MAP7D2: variants seen among roughly 807,000 people sequenced by gnomAD.
MAP7D2 encodes MAP7 domain containing 2, also known as MAP7 domain-containing protein 2.
Under a neutral mutation model 63.5 loss-of-function variants are expected in MAP7D2, and 33 were observed. The observed-to-expected ratio is 0.52, with a 90% CI of 0.39 to 0.70. The LOEUF (loss-of-function observed/expected upper bound fraction) is 0.70, where lower values mean the gene tolerates loss of function less well. Ranked by LOEUF, MAP7D2 falls within the 30% of genes least tolerant of loss-of-function variation. The probability of loss-of-function intolerance (pLI) is 0.00; values close to 1 mark genes in which losing one functional copy is unlikely to be tolerated. For missense variants in MAP7D2, 626 were observed against 604.0 expected (o/e 1.04, Z -0.38); for synonymous variants, 224 against 223.7 (o/e 1.00, Z -0.01).
At chrX:20,041,564 C>T (rs1333923263) in intron 8 of MAP7D2, among the ~76,000 whole-genome samples, 1 of 111,986 alleles carries the variant, frequency 8.9e-6, no homozygotes, top group Non-Finnish European at 1.9e-5. Context: ...TTGACAAATT[C>T]GCAAGTTTTC....
At chrX:20,056,274 C>A (rs1489785725) in intron 4 of MAP7D2, among the ~76,000 whole-genome samples, 1 of 111,820 alleles carries the variant, frequency 8.9e-6, no homozygotes, top group Non-Finnish European at 1.9e-5. Flanking sequence ...AATAGTCCAG[C>A]CCTTTTTGGA....
chrX:20,101,378 GA>G (rs1403694535), intron 1 of MAP7D2, among the ~76,000 whole-genome samples: 2 of 111,929 alleles, frequency 1.8e-5, no homozygotes, highest in Non-Finnish European at 3.8e-5. Flanking sequence ...AGGCCTATAA[GA>G]AAAAATCGAA....
rs1006889120 is a variant in MAP7D2 at position 20,013,502 on chromosome X, T to C, written c.1806+67A>G. The C allele has an allele frequency of 1.9e-5, 18 of 935,555 alleles. No homozygotes were observed. In the East Asian group the frequency reaches 5.7e-4, roughly 30 times the overall value. The allele number at this position is 935,555 out of a possible 1,213,427, so 77.1% of individuals were successfully genotyped here. On this transcript the variant is annotated intron_variant, in intron 13 of 16. Transcript: ENST00000379643. Reference sequence around the variant, plus strand: ...TCGTCGCCAAGACCTACAATTTCACTGAGTGTATTCTGCTGTTCTTTTCTA... The same window carrying C: ...TCGTCGCCAAGACCTACAATTTCACCGAGTGTATTCTGCTGTTCTTTTCTA...
In MAP7D2 at chrX:20,031,806, T is replaced by C. The variant is rs2074061675; in HGVS notation, c.1008-5854A>G. Among the ~76,000 whole-genome samples, 4 of 111,965 alleles carry C rather than the reference T, an allele frequency of 3.6e-5. No individual in the cohort carries two copies. The South Asian group carries it at 1.5e-3, about 42-fold the overall frequency. On this transcript the variant is annotated intron_variant, in intron 8 of 16. Transcript: ENST00000379643. ...TCTTACTGGGACACCTGGCAAAAGT[T>C]GCACATACATTAGAAATTAAGTAAC...
At chrX:20,057,751 C>A (rs148272068) in intron 3 of MAP7D2, among the ~76,000 whole-genome samples, 84 of 111,812 alleles carry the variant, frequency 7.5e-4, no homozygotes, top group African/African-American at 2.7e-3. Context: ...CTAATCATAG[C>A]CCATTCTAAA....
chrX:20,073,528 TTTTC>T (rs1244519790), intron 1 of MAP7D2, among the ~76,000 whole-genome samples: 1 of 107,438 alleles, frequency 9.3e-6, no homozygotes, highest in Non-Finnish European at 1.9e-5. Flanking sequence ...GGTTCTTTTC[TTTTC>T]TTTTTTTTTT....
rs1368062582 is a variant in MAP7D2 at position 20,051,446 on chromosome X, A to C, written c.596-500T>G. ...ATGCGCCTGTAGTCCCAGCTACTTG[A>C]GGCTGAAGTGAGAGGATGGCTTGAG... On this transcript the variant is annotated intron_variant, in intron 5 of 16. Coordinates refer to ENST00000379643, the MANE Select transcript of MAP7D2 (RefSeq NM_001168465.2). Among the ~76,000 whole-genome samples, 3 of 110,016 alleles carry C rather than the reference A, an allele frequency of 2.7e-5. No individual in the cohort carries two copies. In the East Asian group the frequency reaches 8.5e-4, roughly 31 times the overall value.
chrX:20,073,043 T>TC (rs200276910), intron 1 of MAP7D2, among the ~76,000 whole-genome samples: 1,547 of 109,687 alleles, frequency 0.014, 8 homozygotes, highest in Middle Eastern at 0.018. Context: ...TTTGTAGTGC[T>TC]CCCCCCCACC....
At chrX:20,087,879 C>CTTTTTTTTTTT (rs539620594) in intron 1 of MAP7D2, among the ~76,000 whole-genome samples, 5 of 52,852 alleles carry the variant, frequency 9.5e-5, no homozygotes, top group African/African-American at 3.5e-4. Flanking sequence ...AATTTCTTTT[C>CTTTTTTTTTTT]TTTTTTTTTT....
intron 1 of MAP7D2, among the ~76,000 whole-genome samples, chrX:20,109,714 T>C (rs1166767919): frequency 9.0e-6 from 1 of 110,697 alleles, no homozygotes; most frequent in East Asian, 2.8e-4. Context: ...TATTCAAGGG[T>C]TGCATATCCA....
chrX:20,089,806 T>G (rs1434569052), intron 1 of MAP7D2, among the ~76,000 whole-genome samples: 1 of 112,236 alleles, frequency 8.9e-6, no homozygotes, highest in African/African-American at 3.2e-5. Context: ...CCTATATTTG[T>G]GCTTGCTTTT....
intron 1 of MAP7D2, among the ~76,000 whole-genome samples, chrX:20,082,160 C>G (rs745902244): frequency 1.8e-5 from 2 of 112,015 alleles, no homozygotes; most frequent in Non-Finnish European, 3.8e-5. Flanking sequence ...CTACCACCAG[C>G]TGGCTTCCGT....
intron 8 of MAP7D2, among the ~76,000 whole-genome samples, chrX:20,041,459 T>A (rs2064653398): frequency 8.9e-6 from 1 of 112,047 alleles, no homozygotes; most frequent in South Asian, 3.7e-4. Context: ...AAAACCATAG[T>A]GATCTCTAAA....
intron 1 of MAP7D2, among the ~76,000 whole-genome samples, chrX:20,101,312 C>G (rs963386413): frequency 8.9e-6 from 1 of 112,135 alleles, no homozygotes; most frequent in Non-Finnish European, 1.9e-5. Flanking sequence ...TTTGATTTAC[C>G]ATGTTGGAAA....
chrX:20,038,334 C>T (rs751862739), intron 8 of MAP7D2, among the ~76,000 whole-genome samples: 2 of 111,947 alleles, frequency 1.8e-5, no homozygotes, highest in Admixed American at 9.5e-5. Flanking sequence ...ACTCACTTTA[C>T]GGCTAAAGAA....
intron 1 of MAP7D2, among the ~76,000 whole-genome samples, chrX:20,095,476 C>T (rs964056077): frequency 9.0e-6 from 1 of 111,185 alleles, no homozygotes; most frequent in Non-Finnish European, 1.9e-5. Flanking sequence ...GAATGTGAGG[C>T]TACAGTGAGC....
rs769846055 is a variant in MAP7D2 at position 20,055,865 on chromosome X, A to G, written c.484+815T>C. ...GCAAAAAATCAGAGCAAAGAGAGGT[A>G]AAAGAAAAAAGTCCCAATTTCTTGT... On this transcript the variant is annotated intron_variant, in intron 4 of 16. Coordinates refer to ENST00000379643, the MANE Select transcript of MAP7D2 (RefSeq NM_001168465.2). The G allele has an allele frequency of 2.3e-5, 17 of 740,240 alleles. No individual in the cohort carries two copies. In the South Asian group the frequency reaches 4.0e-4, roughly 17 times the overall value. 61.0% of individuals were successfully genotyped at this position (740,240 alleles called of 1,213,427 possible).
rs762248669 is a variant in MAP7D2, at chrX:20,103,384, AG to A, written c.130+13365del. Among the ~76,000 whole-genome samples the A allele has an allele frequency of 6.3e-5, 7 of 111,694 alleles. No homozygotes were observed. The East Asian group carries it at 2.0e-3, about 31-fold the overall frequency. On this transcript the variant is annotated intron_variant, in intron 1 of 16. Coordinates refer to ENST00000379643, the MANE Select transcript of MAP7D2 (RefSeq NM_001168465.2). Reference sequence around the variant, plus strand: ...GGCACTCCAGGGCCACCACGGAGCCAGGAACAAGTCTTGTCTACCAGTTCGA... The same window carrying A: ...GGCACTCCAGGGCCACCACGGAGCCAGAACAAGTCTTGTCTACCAGTTCGA...
chrX:20,050,836 C>T lies in MAP7D2; in HGVS notation c.706G>A (p.Ala236Thr), dbSNP rs1201755559. The T allele has an allele frequency of 8.4e-7, 1 of 1,185,132 alleles. No homozygotes were observed. Among genetic ancestry groups the T allele is most frequent in the Non-Finnish European group, 1.1e-6 (1 of 884,563 alleles). ...TAGCCTCTTTTACCTGAATCATTGG[C>T]CTGCCCAGAGAGCATGACTGAAGCT... ...SRASVMLSGQ[A>T]NDSVFHVCPR... The change falls in exon 6 of 17, where the codon GCC (alanine) becomes ACC (threonine). Residue 236 changes from alanine to threonine, a missense_variant. By Grantham distance (58) the Ala-to-Thr change is moderately conservative (BLOSUM62 0). Coordinates refer to ENST00000379643, the MANE Select transcript of MAP7D2 (RefSeq NM_001168465.2).
Sources: gnomAD v4.1 joint callset for allele counts (sites outside exome capture counted in the v4.1 genomes callset) on GRCh38, gnomAD v4.1.1 for gene constraint, MANE v1.5 for transcripts, NCBI Gene and HGNC (gene_info 2026-07-23, HGNC 2026-07-21) for gene names.